Variants in SLC38A6 observed in about 807,000 individuals in gnomAD.
The protein encoded by SLC38A6 is N system amino acid transporter NAT-1.
SLC38A6 carries 73 observed loss-of-function variants against 65.0 expected under a neutral mutation model. The ratio of observed to expected loss-of-function variants is 1.12; its 90% CI spans 0.93 to 1.37. The LOEUF is 1.37. SLC38A6 is among the 40% of genes most tolerant of loss of function. SLC38A6 has a pLI of 0.00. For synonymous variants in SLC38A6, 183 were observed against 178.8 expected, an observed-to-expected ratio of 1.02 and a Z score of -0.19; for missense variants, 561 against 531.1, an observed-to-expected ratio of 1.06 and a Z score of -0.55.
intron 5 of SLC38A6, among the ~76,000 whole-genome samples, chr14:61,020,924 G>A (rs1312433403): frequency 6.6e-6 from 1 of 152,134 alleles, no homozygotes; most frequent in African/African-American, 2.4e-5. Context: ...TATGTAGACT[G>A]TTCAGTTCAG....
rs529390592 is a variant in SLC38A6 at position 61,009,734 on chromosome 14, G to A, written c.311-6170G>A. On this transcript the variant is annotated intron_variant, in intron 3 of 15. Transcript: ENST00000267488. ...ACTCATCATTTTTTATGGCTGCATA[G>A]TATTCCATGGTGTATATGTGCCACA... 2.0e-5 allele frequency among the ~76,000 whole-genome samples: 3 copies of A among 152,324 alleles called. No individual in the cohort carries two copies. In the East Asian group the frequency reaches 5.8e-4, roughly 29 times the overall value.
intron 15 of SLC38A6, among the ~76,000 whole-genome samples, chr14:61,078,012 A>G (rs80267542): frequency 1.6e-3 from 250 of 152,384 alleles, no homozygotes; most frequent in African/African-American, 5.1e-3. Context: ...AGGTAGGTAC[A>G]GTATTTTTCT....
chr14:60,987,007 ATATATCT>A (rs1230862928), intron 3 of SLC38A6: 1 of 381,800 alleles, frequency 2.6e-6, no homozygotes, highest in Non-Finnish European at 5.0e-6. Flanking sequence ...TATGAAGTGA[ATATATCT>A]GTTTCTCTTC....
At chr14:61,014,812 G>T (rs2039869949) in intron 3 of SLC38A6, among the ~76,000 whole-genome samples, 1 of 152,320 alleles carries the variant, frequency 6.6e-6, no homozygotes, top group East Asian at 1.9e-4. Context: ...GTGCCTCCCA[G>T]TTAGGCTCCT....
intron 6 of SLC38A6, among the ~76,000 whole-genome samples, chr14:61,035,304 T>C (rs2041279979): frequency 6.6e-6 from 1 of 152,206 alleles, no homozygotes; most frequent in Non-Finnish European, 1.5e-5. Flanking sequence ...TTTAATTCTT[T>C]TGAATTTTTC....
intron 15 of SLC38A6, among the ~76,000 whole-genome samples, chr14:61,067,561 T>C (rs1413462297): frequency 6.6e-6 from 1 of 152,200 alleles, no homozygotes; most frequent in Non-Finnish European, 1.5e-5. Flanking sequence ...TCAGCATTTT[T>C]AGCAATGACA....
At chr14:61,040,091 C>T (rs2041696989) in intron 8 of SLC38A6, among the ~76,000 whole-genome samples, 1 of 151,798 alleles carries the variant, frequency 6.6e-6, no homozygotes, top group South Asian at 2.1e-4. Context: ...AGCGGATTAC[C>T]ATTCGTTCTA....
intron 3 of SLC38A6, among the ~76,000 whole-genome samples, chr14:61,010,482 C>T (rs1277624055): frequency 6.6e-6 from 1 of 152,160 alleles, no homozygotes; most frequent in Admixed American, 6.5e-5. Context: ...AATGGTATTG[C>T]CTAGGTTTTC....
At chr14:61,080,197 A>T (rs1036713092) in intron 16 of SLC38A6, among the ~76,000 whole-genome samples, 2 of 152,120 alleles carry the variant, frequency 1.3e-5, no homozygotes, top group Non-Finnish European at 2.9e-5. Flanking sequence ...ACTCTTCTTC[A>T]TCTACTTTCT....
chr14:61,039,650 C>T (rs552315378), intron 8 of SLC38A6, among the ~76,000 whole-genome samples: 11 of 151,416 alleles, frequency 7.3e-5, no homozygotes, highest in African/African-American at 2.4e-4. Flanking sequence ...GGATTACAGG[C>T]GTGAGCCACC....
intron 5 of SLC38A6, among the ~76,000 whole-genome samples, chr14:61,025,045 C>T (rs186013723): frequency 2.0e-5 from 3 of 152,276 alleles, no homozygotes; most frequent in East Asian, 3.9e-4. Flanking sequence ...AGTAGTCTTA[C>T]TGAAACCTCC....
intron 7 of SLC38A6, 52 bp from the exon 8 acceptor site, chr14:61,037,573 G>A (rs576058430): frequency 5.0e-5 from 66 of 1,318,862 alleles, no homozygotes; most frequent in South Asian, 3.1e-4. Context: ...TTAGTTGTAC[G>A]TTAAAATCGC....
chr14:61,012,754 T>C (rs968754519), intron 3 of SLC38A6, among the ~76,000 whole-genome samples: 3 of 152,106 alleles, frequency 2.0e-5, no homozygotes, highest in Admixed American at 2.0e-4. Context: ...AGAGACAGTT[T>C]GTTATCATTT....
Position 61,043,179 on chromosome 14 carries a change from T to C in SLC38A6, c.657T>C (p.Pro219=). 1 of 1,545,054 alleles carries C rather than the reference T, an allele frequency of 6.5e-7. No homozygotes were observed. The highest frequency in any genetic ancestry group is 8.8e-7 in the Non-Finnish European group (1 of 1,130,622). ...TTAAAAAATGGTCCATCCCTTGTCC[T>C]CTGACATTAAATTATGTAGAGAAAG... ...VIIKKWSIPC[P]LTLNYVEKGF... is the part of the protein sequence containing the mutation. The change falls in exon 9 of 16, where the codon CCT becomes CCC. Residue 219 remains proline, a synonymous_variant. Coordinates refer to ENST00000267488, the MANE Select transcript of SLC38A6 (RefSeq NM_153811.3).
chr14:61,010,628 A>G (rs774418750), intron 3 of SLC38A6, among the ~76,000 whole-genome samples: 1 of 152,202 alleles, frequency 6.6e-6, no homozygotes, highest in Non-Finnish European at 1.5e-5. Flanking sequence ...AGCACCATTT[A>G]TTAAATAGGG....
At chr14:61,083,041 G>C (rs1017263105) in intron 16 of SLC38A6, among the ~76,000 whole-genome samples, 2 of 152,210 alleles carry the variant, frequency 1.3e-5, no homozygotes, top group South Asian at 2.1e-4. Flanking sequence ...GAACTTAAGA[G>C]TTTGGTTTGC....
intron 3 of SLC38A6, among the ~76,000 whole-genome samples, chr14:61,007,466 C>T (rs1336098079): frequency 6.6e-6 from 1 of 151,982 alleles, no homozygotes; most frequent in African/African-American, 2.4e-5. Flanking sequence ...CCTGCCTATA[C>T]AAAAAGTAAA....
intron 16 of SLC38A6, among the ~76,000 whole-genome samples, chr14:61,082,666 T>C (rs1039309200): frequency 2.6e-5 from 4 of 152,094 alleles, no homozygotes; most frequent in African/African-American, 7.2e-5. Flanking sequence ...AGATGAACAG[T>C]AGAGAAGGGT....
At chr14:61,068,887 A>G (rs901528657) in intron 15 of SLC38A6, among the ~76,000 whole-genome samples, 1 of 151,972 alleles carries the variant, frequency 6.6e-6, no homozygotes, top group African/African-American at 2.4e-5. Flanking sequence ...GTGTCCTTCT[A>G]CTCTTTACCT....
Sources: gnomAD v4.1 joint callset for allele counts (sites outside exome capture counted in the v4.1 genomes callset) on GRCh38, gnomAD v4.1.1 for gene constraint, MANE v1.5 for transcripts, NCBI Gene and HGNC (gene_info 2026-07-23, HGNC 2026-07-21) for gene names.